FOXO3: variants seen among roughly 807,000 people sequenced by gnomAD.
FOXO3 encodes the protein forkhead box protein O3.
Under a neutral mutation model 41.9 loss-of-function variants are expected in FOXO3, and 4 were observed. The observed-to-expected ratio is 0.10, with a 90% CI of 0.05 to 0.22. The LOEUF (loss-of-function observed/expected upper bound fraction) is 0.22, where lower values mean the gene tolerates loss of function less well. Among genes scored for constraint, FOXO3 ranks in the 10% least tolerant of loss-of-function variants. The probability of loss-of-function intolerance (pLI) is 1.00; values close to 1 mark genes in which losing one functional copy is unlikely to be tolerated. For synonymous variants in FOXO3, 318 were observed against 389.3 expected, an observed-to-expected ratio of 0.82 and a Z score of 2.16; for missense variants, 534 against 906.8, an observed-to-expected ratio of 0.59 and a Z score of 5.28.
intron 1 of FOXO3, among the ~76,000 whole-genome samples, chr6:108,651,111 G>T (rs1157117866): frequency 6.6e-6 from 1 of 152,240 alleles, no homozygotes; most frequent in Non-Finnish European, 1.5e-5. Context: ...GGGGACAGAA[G>T]ATACTATTAG....
chr6:108,592,133 A>C (rs1776746843), intron 1 of FOXO3, among the ~76,000 whole-genome samples: 1 of 152,180 alleles, frequency 6.6e-6, no homozygotes, highest in South Asian at 2.1e-4. Context: ...GGATTGGAGG[A>C]GGTTGACTGC....
intron 2 of FOXO3, among the ~76,000 whole-genome samples, chr6:108,672,836 G>A (rs1779255642): frequency 6.6e-6 from 1 of 151,784 alleles, no homozygotes; most frequent in Non-Finnish European, 1.5e-5. Flanking sequence ...GAGCCATAAG[G>A]TTGTGGGATT....
intron 1 of FOXO3, among the ~76,000 whole-genome samples, chr6:108,652,323 T>A (rs1778567756): frequency 6.6e-6 from 1 of 152,206 alleles, no homozygotes. Flanking sequence ...TTCTAAAAAA[T>A]TAGTGTTAGC....
At chr6:108,631,844 G>A (rs150009012) in intron 1 of FOXO3, among the ~76,000 whole-genome samples, 27 of 152,224 alleles carry the variant, frequency 1.8e-4, no homozygotes, top group African/African-American at 6.3e-4. Context: ...TTAGAATCAG[G>A]ATTCACATGT....
intron 1 of FOXO3, among the ~76,000 whole-genome samples, chr6:108,592,143 C>T (rs1223353791): frequency 6.6e-6 from 1 of 152,122 alleles, no homozygotes; most frequent in Non-Finnish European, 1.5e-5. Context: ...AGGTTGACTG[C>T]AAAAGGGCAG....
intron 1 of FOXO3, among the ~76,000 whole-genome samples, chr6:108,653,887 G>C (rs2128383511): frequency 6.6e-6 from 1 of 152,288 alleles, no homozygotes; most frequent in African/African-American, 2.4e-5. Context: ...ACCATTTTGT[G>C]TGGCTAATTT....
At chr6:108,634,581 T>C (rs1778066067) in intron 1 of FOXO3, among the ~76,000 whole-genome samples, 1 of 152,158 alleles carries the variant, frequency 6.6e-6, no homozygotes, top group African/African-American at 2.4e-5. Flanking sequence ...CCTTCTGCCT[T>C]GGCTTCTCTT....
In FOXO3 at chr6:108,641,415, CAG is replaced by C. The variant is rs1778254037; in HGVS notation, c.622-22037_622-22036del. 2.6e-5 allele frequency among the ~76,000 whole-genome samples: 4 copies of C among 152,104 alleles called. No homozygotes were observed. In the South Asian group the frequency reaches 8.3e-4, roughly 31 times the overall value. On this transcript the variant is annotated intron_variant, in intron 1 of 2. Coordinates refer to ENST00000406360, the MANE Select transcript of FOXO3 (RefSeq NM_001455.4). ...ACAAGTTGGTCAGCTTCTCCCCACT[CAG>C]AGCCCTAAAGAACCTCTAGGGCTCC...
At chr6:108,560,869 C>T (rs1424998022), upstream of FOXO3, 8 of 873,430 alleles carry the variant, frequency 9.2e-6, no homozygotes, top group Non-Finnish European at 1.1e-5. Context: ...CTGCCCCGCG[C>T]GAGGCCGTCG....
chr6:108,569,683 A>G (rs1212729827), intron 1 of FOXO3, among the ~76,000 whole-genome samples: 2 of 152,112 alleles, frequency 1.3e-5, no homozygotes, highest in African/African-American at 4.8e-5. Flanking sequence ...AGGCCAGGTT[A>G]TCTTCTGGAG....
intron 1 of FOXO3, among the ~76,000 whole-genome samples, chr6:108,656,022 C>T (rs1046220638): frequency 6.6e-6 from 1 of 151,868 alleles, no homozygotes; most frequent in Non-Finnish European, 1.5e-5. Context: ...TTGTAAGGAC[C>T]AGGAGACGCC....
rs542077764 is a variant in FOXO3 at position 108,609,698 on chromosome 6, C to A, written c.621+47869C>A. ...AAGGTATTTGTGTTTCTGGGTTAGC[C>A]ACTTGTGCCAACAAAGCGACCTCTC... On this transcript the variant is annotated intron_variant, in intron 1 of 2. Coordinates refer to ENST00000406360, the MANE Select transcript of FOXO3 (RefSeq NM_001455.4). Among the ~76,000 whole-genome samples the A allele has an allele frequency of 3.3e-5, 5 of 152,288 alleles. No homozygotes were observed. In the South Asian group the frequency reaches 1.0e-3, roughly 32 times the overall value.
intron 1 of FOXO3, among the ~76,000 whole-genome samples, chr6:108,639,171 T>C (rs78946190): frequency 9.7e-4 from 148 of 152,236 alleles, no homozygotes; most frequent in African/African-American, 3.3e-3. Context: ...GACCTGAAAA[T>C]AGAGCATTCT....
chr6:108,641,326 C>T (rs1238592020), intron 1 of FOXO3, among the ~76,000 whole-genome samples: 4 of 152,084 alleles, frequency 2.6e-5, no homozygotes, highest in Non-Finnish European at 5.9e-5. Context: ...AGTACAGAAC[C>T]CAAACATTCT....
At position 108,561,363 on chromosome 6, in the gene FOXO3, C is replaced by T. The variant is rs1001032546; in HGVS notation, c.155C>T (p.Ala52Val). 4.4e-5 allele frequency: 68 copies of T among 1,562,896 alleles called. No individual in the cohort carries two copies. The highest frequency in any genetic ancestry group is 5.4e-5 in the Non-Finnish European group (63 of 1,156,114). Residue 52 changes from alanine (A) to valine (V), a missense_variant, in exon 1 of 3, where the codon GCC (alanine) becomes GTC (valine). Coordinates refer to ENST00000406360, the MANE Select transcript of FOXO3 (RefSeq NM_001455.4). Reference sequence around the variant, plus strand: ...CCTGCCAAGCCCTCGGGGGAGACGGCCGCCGACTCCATGATCCCCGAGGAG... The same window carrying T: ...CCTGCCAAGCCCTCGGGGGAGACGGTCGCCGACTCCATGATCCCCGAGGAG... ...ASPAKPSGET[A>V]ADSMIPEEED...
intron 1 of FOXO3, among the ~76,000 whole-genome samples, chr6:108,628,396 A>T (rs1777873051): frequency 6.6e-6 from 1 of 152,246 alleles, no homozygotes; most frequent in Admixed American, 6.5e-5. Context: ...CTGGCTGCGC[A>T]TATTTAAGTA....
intron 1 of FOXO3, among the ~76,000 whole-genome samples, chr6:108,571,610 A>G (rs1776100321): frequency 6.6e-6 from 1 of 152,220 alleles, no homozygotes; most frequent in Admixed American, 6.5e-5. Flanking sequence ...AGAGTGATGC[A>G]GTTATAAGCC....
intron 1 of FOXO3, among the ~76,000 whole-genome samples, chr6:108,630,634 G>A: frequency 6.6e-6 from 1 of 152,056 alleles, no homozygotes; most frequent in East Asian, 1.9e-4. Flanking sequence ...CTTGTGAGGA[G>A]GCCTGTCCTT....
chr6:108,674,390 C>T (rs1770491963), intron 2 of FOXO3, among the ~76,000 whole-genome samples: 1 of 152,178 alleles, frequency 6.6e-6, no homozygotes, highest in Non-Finnish European at 1.5e-5. Flanking sequence ...ACTGTTGTTT[C>T]TTTCACTGGA....
Sources: gnomAD v4.1 joint callset for allele counts (sites outside exome capture counted in the v4.1 genomes callset) on GRCh38, gnomAD v4.1.1 for gene constraint, MANE v1.5 for transcripts, NCBI Gene and HGNC (gene_info 2026-07-23, HGNC 2026-07-21) for gene names.